The following BCAT1 variants were observed in gnomAD, a reference collection of about 807,000 sequenced individuals.
BCAT1 encodes branched chain amino acid transaminase 1, also known as branched-chain-amino-acid aminotransferase, cytosolic.
BCAT1 carries 48 observed loss-of-function variants against 52.4 expected under a neutral mutation model. That is an observed-to-expected ratio of 0.92 (90% CI 0.73 to 1.16). The LOEUF is 1.16. BCAT1 is among the 50% of genes most tolerant of loss of function. BCAT1 has a pLI of 0.00. For missense variants in BCAT1, 451 were observed against 457.1 expected (o/e 0.99, Z 0.12); for synonymous variants, 167 against 161.3 (o/e 1.04, Z -0.27).
chr12:24,945,033 GTATTCATAAGGTAATCTAATT>G (rs1448295639), intron 1 of BCAT1, among the ~76,000 whole-genome samples: 1 of 152,146 alleles, frequency 6.6e-6, no homozygotes, highest in Non-Finnish European at 1.5e-5. Flanking sequence ...ATGCTATGCT[GTATTCATAAGGTAATCTAATT>G]TCCAAGCTAT....
At chr12:24,829,750 C>G in intron 10 of BCAT1, 73 bp downstream of exon 10, 1 of 1,214,380 alleles carries the variant, frequency 8.2e-7, no homozygotes, top group Admixed American at 2.5e-5. Context: ...TAGTTGTAAG[C>G]TCTGACAGAA....
chr12:24,850,261 AC>A (rs1490046491), intron 5 of BCAT1, among the ~76,000 whole-genome samples: 1 of 152,058 alleles, frequency 6.6e-6, no homozygotes, highest in African/African-American at 2.4e-5. Context: ...TCTATATAAC[AC>A]CTTTCAAGGT....
chr12:24,851,093 T>C (rs1322266741), intron 5 of BCAT1, among the ~76,000 whole-genome samples: 1 of 152,162 alleles, frequency 6.6e-6, no homozygotes, highest in Non-Finnish European at 1.5e-5. Context: ...ACCCAACGTT[T>C]TGAAGGCTAC....
Position 24,839,467 on chromosome 12 carries a change from G to A in BCAT1, c.817+2615C>T, listed in dbSNP as rs545462564. On this transcript the variant is annotated intron_variant, in intron 7 of 10. Coordinates refer to ENST00000261192, the MANE Select transcript of BCAT1 (RefSeq NM_005504.7). ...TCTTATTTTTCAGGGTATCTCCAGG[G>A]TCCAGGATATGATACAATGCTTTGT... Among the ~76,000 whole-genome samples, 15 of 152,302 alleles carry A rather than the reference G, an allele frequency of 9.8e-5. No individual in the cohort carries two copies. The South Asian group carries it at 2.7e-3, about 27-fold the overall frequency.
intron 1 of BCAT1, among the ~76,000 whole-genome samples, chr12:24,910,269 C>T (rs937761905): frequency 7.2e-5 from 11 of 151,778 alleles, no homozygotes; most frequent in East Asian, 1.9e-4. Context: ...CCCAGCTCTA[C>T]GGGAGGCTGA....
chr12:24,880,392 G>C (rs1225579231), intron 4 of BCAT1, among the ~76,000 whole-genome samples: 1 of 152,194 alleles, frequency 6.6e-6, no homozygotes, highest in Non-Finnish European at 1.5e-5. Flanking sequence ...CGGAGGTGGA[G>C]GTTGTAGTGA....
At chr12:24,887,839 C>T (rs1469998019) in intron 3 of BCAT1, among the ~76,000 whole-genome samples, 1 of 152,176 alleles carries the variant, frequency 6.6e-6, no homozygotes, top group Non-Finnish European at 1.5e-5. Flanking sequence ...TATTTGAAAC[C>T]TTCAAATATT....
rs1314553189 is a variant in BCAT1 at position 24,810,852 on chromosome 12, T to C, written c.*7156A>G. 2 of 152,234 alleles carry C rather than the reference T, an allele frequency of 1.3e-5. No homozygotes were observed. Among genetic ancestry groups the C allele is most frequent in the African/African-American group, 4.8e-5 (2 of 41,458 alleles). The allele number at this position is 152,234 out of a possible 1,614,324, so 9.4% of individuals were successfully genotyped here. The stretch of plus-strand genomic sequence containing the variant: ...TTGGGTAATTCTGCACTTGGCTTTG[T>C]TCTCCCTTGGTGCTTTTGAGGACAA... On this transcript the variant is annotated 3_prime_UTR_variant, in exon 11 of 11. Transcript: ENST00000261192.
intron 8 of BCAT1, among the ~76,000 whole-genome samples, chr12:24,835,057 T>C (rs1205564328): frequency 3.3e-5 from 5 of 152,234 alleles, no homozygotes; most frequent in Non-Finnish European, 2.9e-5. Flanking sequence ...TGGGAAAGTA[T>C]TTCCACTTGC....
At chr12:24,868,354 G>A (rs902344948) in intron 5 of BCAT1, among the ~76,000 whole-genome samples, 11 of 152,186 alleles carry the variant, frequency 7.2e-5, no homozygotes, top group East Asian at 3.8e-4. Context: ...GGGTGTATCC[G>A]TATGTGCCAA....
intron 10 of BCAT1, among the ~76,000 whole-genome samples, chr12:24,819,530 A>AG (rs751247258): frequency 8.5e-5 from 13 of 152,162 alleles, no homozygotes; most frequent in Non-Finnish European, 1.5e-5. Context: ...CTGCATAAAA[A>AG]TCAAGTGTAA....
chr12:24,817,946 A>T lies in BCAT1; in HGVS notation c.*62T>A. On this transcript the variant is annotated 3_prime_UTR_variant, in exon 11 of 11. Coordinates refer to ENST00000261192, the MANE Select transcript of BCAT1 (RefSeq NM_005504.7). ...AAATCTATCACAATTCAAATGCAACAGTCTGTCCCAGTAGCATACAGTTGG... is the reference window on the plus strand; with the variant it reads ...AAATCTATCACAATTCAAATGCAACTGTCTGTCCCAGTAGCATACAGTTGG... 6.6e-7 allele frequency: 1 copy of T among 1,514,510 alleles called. No individual in the cohort carries two copies. Among genetic ancestry groups the T allele is most frequent in the Non-Finnish European group, 9.2e-7 (1 of 1,091,544 alleles). The allele number at this position is 1,514,510 out of a possible 1,614,324, so 93.8% of individuals were successfully genotyped here. A position where few individuals can be genotyped will look rare whatever the true frequency, so the allele number is the denominator to read the frequency against.
intron 6 of BCAT1, among the ~76,000 whole-genome samples, chr12:24,849,252 T>A (rs1265238055): frequency 6.6e-6 from 1 of 152,260 alleles, no homozygotes; most frequent in East Asian, 1.9e-4. Flanking sequence ...GAGACTGGCC[T>A]GACAGAGCCA....
chr12:24,920,332 G>A (rs528820147), intron 1 of BCAT1, among the ~76,000 whole-genome samples: 4 of 152,266 alleles, frequency 2.6e-5, no homozygotes, highest in South Asian at 2.1e-4. Context: ...TCTGCAAACC[G>A]CACTCTGTGG....
intron 1 of BCAT1, among the ~76,000 whole-genome samples, chr12:24,927,572 T>G (rs1360488471): frequency 6.6e-6 from 1 of 152,178 alleles, no homozygotes; most frequent in Non-Finnish European, 1.5e-5. Context: ...ATGGGAAACA[T>G]GATAATGAGT....
At chr12:24,854,846 T>A (rs1941621991) in intron 5 of BCAT1, among the ~76,000 whole-genome samples, 1 of 152,152 alleles carries the variant, frequency 6.6e-6, no homozygotes, top group Admixed American at 6.5e-5. Flanking sequence ...TTACCAAAGC[T>A]TGAAAAAAAT....
At chr12:24,866,593 C>G (rs1386370546) in intron 5 of BCAT1, among the ~76,000 whole-genome samples, 1 of 152,222 alleles carries the variant, frequency 6.6e-6, no homozygotes, top group Non-Finnish European at 1.5e-5. Context: ...AGAATCTTTA[C>G]GTCTGGCTAA....
chr12:24,925,788 C>T (rs986714491), intron 1 of BCAT1, among the ~76,000 whole-genome samples: 5 of 151,024 alleles, frequency 3.3e-5, no homozygotes, highest in Non-Finnish European at 3.0e-5. Flanking sequence ...GACGGGGTTT[C>T]GCTGTGTTGG....
Position 24,842,123 on chromosome 12 carries a change from C to T in BCAT1, c.776G>A (p.Gly259Glu), listed in dbSNP as rs748062892. 1 of 1,613,846 alleles carries T rather than the reference C, an allele frequency of 6.2e-7. No homozygotes were observed. The highest frequency in any genetic ancestry group is 1.1e-5 in the South Asian group (1 of 91,082). The part of the protein sequence containing the change: ...YGEDHQITEV[G>E]TMNLFLYWIN... ...CCAGTAAAGAAAAAGATTCATAGTTCCCACTTCAGTGATCTGATGGTCCTC... is the reference window on the plus strand; with the variant it reads ...CCAGTAAAGAAAAAGATTCATAGTTTCCACTTCAGTGATCTGATGGTCCTC... The change falls in exon 7 of 11, where the codon GGA becomes GAA. Residue 259 changes from glycine to glutamate, a missense_variant. Gly to Glu is a moderately conservative substitution (Grantham distance 98, BLOSUM62 -2). Transcript: ENST00000261192.
Sources: allele counts gnomAD v4.1 joint callset (sites outside exome capture counted in the v4.1 genomes callset), GRCh38; gene constraint gnomAD v4.1.1; transcripts MANE v1.5; gene names NCBI Gene and HGNC (gene_info 2026-07-23, HGNC 2026-07-21).